MLXIP: variants seen among roughly 807,000 people sequenced by gnomAD.
MLXIP encodes MLX-interacting protein.
MLXIP carries 30 observed loss-of-function variants against 87.2 expected under a neutral mutation model. The ratio of observed to expected loss-of-function variants is 0.34; its 90% CI spans 0.26 to 0.47. The LOEUF (loss-of-function observed/expected upper bound fraction) is 0.47. Ranked by LOEUF, MLXIP falls within the 20% of genes least tolerant of loss-of-function variation. The pLI, the probability that MLXIP is intolerant of heterozygous loss-of-function variation, is 1.00. For missense variants in MLXIP, 1,002 were observed against 1,240.1 expected (o/e 0.81, Z 2.88); for synonymous variants, 530 against 514.0 (o/e 1.03, Z -0.42).
intron 7 of MLXIP, among the ~76,000 whole-genome samples, chr12:122,131,538 CTCCTGGGCTCAAGCGA>C (rs2135977619): frequency 7.0e-6 from 1 of 142,526 alleles, no homozygotes; most frequent in South Asian, 2.4e-4. Flanking sequence ...CAGCCCTGAA[CTCCTGGGCTCAAGCGA>C]TCCTCCCACC....
Position 122,137,202 on chromosome 12 carries a change from A to G in MLXIP, c.2033-267A>G. On this transcript the variant is annotated intron_variant, in intron 11 of 16. Coordinates refer to ENST00000319080, the MANE Select transcript of MLXIP (RefSeq NM_014938.6). This position sits in a 1 kb window ranked among gnomAD's most constrained non-coding sequence, Gnocchi z 4.1. Reference sequence around the variant, plus strand: ...AGCCCACCTGCGAAATATCTCGTAAAGCGACACCAGTGACTGGAACACGTC... The same window carrying G: ...AGCCCACCTGCGAAATATCTCGTAAGGCGACACCAGTGACTGGAACACGTC... The G allele has an allele frequency of 3.3e-6, 1 of 301,352 alleles. No individual in the cohort carries two copies. Among genetic ancestry groups the G allele is most frequent in the Non-Finnish European group, 6.0e-6 (1 of 165,326 alleles). The allele number at this position is 301,352 out of a possible 1,614,324, so 18.7% of individuals were successfully genotyped here. A position where few individuals can be genotyped will look rare whatever the true frequency, so the allele number is the denominator to read the frequency against.
intron 1 of MLXIP, among the ~76,000 whole-genome samples, chr12:122,118,519 C>T (rs1952726824): frequency 6.6e-6 from 1 of 152,300 alleles, no homozygotes; most frequent in East Asian, 1.9e-4. Context: ...CCCTCCTCTC[C>T]TACATGTCTG....
chr12:122,112,972 TA>T (rs200376797), intron 1 of MLXIP, among the ~76,000 whole-genome samples: 2 of 110,446 alleles, frequency 1.8e-5, no homozygotes, highest in East Asian at 2.6e-4. Flanking sequence ...AACAGAAGCA[TA>T]AAAAAAGGAC....
Position 122,141,536 on chromosome 12 carries a change from C to T in MLXIP, c.2639-155C>T, listed in dbSNP as rs931503360. The T allele has an allele frequency of 1.6e-5, 13 of 807,370 alleles. No homozygotes were observed. In the Admixed American group the frequency reaches 2.5e-4, roughly 15 times the overall value. 50.0% of individuals were successfully genotyped at this position (807,370 alleles called of 1,614,324 possible). On this transcript the variant is annotated intron_variant, in intron 16 of 16. Transcript: ENST00000319080. Reference sequence around the variant, plus strand: ...GGCAGAGGGGTGAGTGCCCAGGTCTCGGTGTCGGCCCCTGGCACTCCTCCC... The same window carrying T: ...GGCAGAGGGGTGAGTGCCCAGGTCTTGGTGTCGGCCCCTGGCACTCCTCCC...
intron 1 of MLXIP, among the ~76,000 whole-genome samples, chr12:122,090,261 C>T (rs1004493072): frequency 5.3e-5 from 8 of 152,068 alleles, no homozygotes; most frequent in African/African-American, 1.9e-4. Context: ...TTTGCGAGGC[C>T]GAGGCAGGCA....
chr12:122,138,675 C>T (rs1311139094), intron 14 of MLXIP, 124 bp downstream of exon 14: 3 of 1,492,326 alleles, frequency 2.0e-6, no homozygotes, highest in Non-Finnish European at 2.7e-6. Context: ...TAGTTCTGCT[C>T]TTTGTCAACC....
At chr12:122,111,384 T>G (rs1313067803) in intron 1 of MLXIP, among the ~76,000 whole-genome samples, 2 of 152,256 alleles carry the variant, frequency 1.3e-5, no homozygotes, top group Non-Finnish European at 2.9e-5. Context: ...ATTGCCTCTT[T>G]AAGCCAGGTG....
At position 122,141,940 on chromosome 12, in the gene MLXIP, C is replaced by G; in HGVS notation, c.*128C>G. On this transcript the variant is annotated 3_prime_UTR_variant, in exon 17 of 17. Coordinates refer to ENST00000319080, the MANE Select transcript of MLXIP (RefSeq NM_014938.6). ...CCTCTCTCCAACTCTGCCGGCCCAC[C>G]GTGGCATCGGGAGGCCATGCTCAGG... The G allele has an allele frequency of 7.0e-7, 1 of 1,428,664 alleles. No homozygotes were observed. The allele number at this position is 1,428,664 out of a possible 1,614,324, so 88.5% of individuals were successfully genotyped here.
intron 1 of MLXIP, among the ~76,000 whole-genome samples, chr12:122,123,463 A>AAG (rs1162180446): frequency 6.6e-6 from 1 of 152,186 alleles, no homozygotes; most frequent in Non-Finnish European, 1.5e-5. Context: ...TTGCTGCTGA[A>AAG]GTCTGACTGT....
In MLXIP at chr12:122,084,891, T is replaced by TGTGG. The variant is rs1952143617; in HGVS notation, c.413+5625_413+5626insGTGG. ...CAACTCACACAACAACCCTGTCAGG[T>TGTGG]AGGTGGTGGTGGAATCCTCATTTTA... On this transcript the variant is annotated intron_variant, in intron 1 of 16. Coordinates refer to ENST00000319080, the MANE Select transcript of MLXIP (RefSeq NM_014938.6). Among the ~76,000 whole-genome samples, 3 of 152,168 alleles carry TGTGG rather than the reference T, an allele frequency of 2.0e-5. 1 individual carries two copies. Among genetic ancestry groups the TGTGG allele is most frequent in the East Asian group, 3.9e-4 (2 of 5,186 alleles).
intron 1 of MLXIP, among the ~76,000 whole-genome samples, chr12:122,083,241 T>G (rs548867960): frequency 6.6e-6 from 1 of 152,224 alleles, no homozygotes; most frequent in African/African-American, 2.4e-5. Context: ...TTTCCGGTGG[T>G]GGGGGGAAGA....
intron 1 of MLXIP, among the ~76,000 whole-genome samples, chr12:122,121,226 T>A (rs1280003882): frequency 6.6e-6 from 1 of 151,300 alleles, no homozygotes; most frequent in African/African-American, 2.4e-5. Context: ...GCCAGGATGG[T>A]CTTGATCTCT....
At position 122,126,354 on chromosome 12, in the gene MLXIP, G is replaced by A. The variant is rs1593102910; in HGVS notation, c.414-902G>A. ...CAGACACTACTACATAAGAGCTCCC[G>A]TGAGACCGTCCCCGAGTGGAGGAGA... On this transcript the variant is annotated intron_variant, in intron 1 of 16. Transcript: ENST00000319080. 1.3e-5 allele frequency among the ~76,000 whole-genome samples: 2 copies of A among 152,224 alleles called. 1 individual carries two copies. Among genetic ancestry groups the A allele is most frequent in the South Asian group, 4.1e-4 (2 of 4,830 alleles).
At chr12:122,139,084 G>C in intron 15 of MLXIP, 146 bp downstream of exon 15, 1 of 1,308,176 alleles carries the variant, frequency 7.6e-7, no homozygotes, top group Non-Finnish European at 1.0e-6. Context: ...GTCTATCTCG[G>C]GAGAGAGTGG....
intron 1 of MLXIP, among the ~76,000 whole-genome samples, chr12:122,120,628 C>T (rs1186323476): frequency 1.3e-5 from 2 of 152,150 alleles, no homozygotes; most frequent in Admixed American, 6.5e-5. Context: ...GAAAAAGAGT[C>T]AGCAGATGGT....
intron 1 of MLXIP, among the ~76,000 whole-genome samples, chr12:122,086,859 A>G (rs984626078): frequency 4.6e-5 from 7 of 152,096 alleles, no homozygotes; most frequent in South Asian, 2.1e-4. Flanking sequence ...GTCCGGCCAG[A>G]CGCCTTGAAG....
intron 1 of MLXIP, among the ~76,000 whole-genome samples, chr12:122,103,215 T>G (rs760758454): frequency 0.24 from 15,181 of 63,976 alleles, 1,299 homozygotes; most frequent in African/African-American, 0.43. Context: ...ATTTATTTAT[T>G]TATTTATTTA....
At chr12:122,125,178 A>T (rs1277697104) in intron 1 of MLXIP, among the ~76,000 whole-genome samples, 1 of 151,978 alleles carries the variant, frequency 6.6e-6, no homozygotes, top group Non-Finnish European at 1.5e-5. Context: ...AAAAACAAAC[A>T]AAAATTTGGC....
chr12:122,080,323 G>A (rs1024853169), intron 1 of MLXIP, among the ~76,000 whole-genome samples: 2 of 152,132 alleles, frequency 1.3e-5, no homozygotes, highest in South Asian at 4.1e-4. Context: ...CTGCTCTGGA[G>A]GCATCGCGGG....
Sources: gnomAD v4.1 joint callset for allele counts (sites outside exome capture counted in the v4.1 genomes callset) on GRCh38, gnomAD v4.1.1 for gene constraint, Gnocchi (gnomAD v3.1) non-coding constraint, MANE v1.5 for transcripts, NCBI Gene and HGNC (gene_info 2026-07-23, HGNC 2026-07-21) for gene names.